AARSD1: variants seen among roughly 807,000 people sequenced by gnomAD.
The protein encoded by AARSD1 is alanyl-tRNA editing protein Aarsd1.
AARSD1 carries 44 observed loss-of-function variants against 48.7 expected under a neutral mutation model. The observed-to-expected ratio is 0.90, with a 90% confidence interval of 0.71 to 1.16. The LOEUF is 1.16. Among genes scored for constraint, AARSD1 ranks in the 50% most tolerant of loss-of-function variants. The probability of loss-of-function intolerance (pLI) is 0.00; values close to 1 mark genes in which losing one functional copy is unlikely to be tolerated. For missense variants in AARSD1, 511 were observed against 523.1 expected (o/e 0.98, Z 0.23); for synonymous variants, 189 against 194.9 (o/e 0.97, Z 0.25).
chr17:42,962,896 C>T (rs904542171), intron 2 of AARSD1, among the ~76,000 whole-genome samples: 12 of 152,020 alleles, frequency 7.9e-5, no homozygotes, highest in African/African-American at 2.4e-4. Flanking sequence ...GTTGGTTGTG[C>T]GCCTGTAGTC....
intron 9 of AARSD1, 190 bp from the exon 10 acceptor site, chr17:42,953,968 A>G: frequency 1.5e-6 from 1 of 649,564 alleles, no homozygotes; most frequent in South Asian, 1.9e-5. Flanking sequence ...GTTTGTAATC[A>G]ACCTCCAGGT....
Position 42,956,331 on chromosome 17 carries a change from G to A in AARSD1, c.547-11C>T, listed in dbSNP as rs1802278676. On this transcript the variant is annotated splice_polypyrimidine_tract_variant and intron_variant, in intron 5 of 11. Transcript: ENST00000427569. ...ACCCCGGCCACTCACCTGGACTCAA[G>A]GAGAGGGGAGGGACTGTCTGAATCT... is the stretch of plus-strand genomic sequence containing the variant. 2 of 1,614,140 alleles carry A rather than the reference G, an allele frequency of 1.2e-6. No homozygotes were observed. The highest frequency in any genetic ancestry group is 2.2e-5 in the East Asian group (1 of 44,882).
At chr17:42,962,265 G>T in intron 2 of AARSD1, 1 of 228,544 alleles carries the variant, frequency 4.4e-6, no homozygotes, top group Non-Finnish European at 9.2e-6. Context: ...ACGCCGCTGC[G>T]CTCCAGCCTG....
At chr17:42,961,856 A>G (rs2049641620) in intron 2 of AARSD1, among the ~76,000 whole-genome samples, 1 of 152,164 alleles carries the variant, frequency 6.6e-6, no homozygotes, top group East Asian at 1.9e-4. Flanking sequence ...ACCTCTATGA[A>G]AAATAAAAAA....
At chr17:42,959,840 T>G (rs905709146) in intron 3 of AARSD1, among the ~76,000 whole-genome samples, 2 of 151,636 alleles carry the variant, frequency 1.3e-5, no homozygotes, top group African/African-American at 4.8e-5. Context: ...ATTTTTGTAT[T>G]TTTAGTAGAG....
intron 4 of AARSD1, 87 bp downstream of exon 4, chr17:42,957,051 C>A: frequency 1.3e-6 from 2 of 1,549,006 alleles, no homozygotes; most frequent in Admixed American, 1.7e-5. Flanking sequence ...GCCTTAATCT[C>A]CCCGGCTCAA....
At chr17:42,955,119 AG>A in intron 8 of AARSD1, 38 bp downstream of exon 8, 1 of 1,614,034 alleles carries the variant, frequency 6.2e-7, no homozygotes, top group South Asian at 1.1e-5. Context: ...TATCCTAGGC[AG>A]GGCCCATGCC....
rs376151909 is a variant in AARSD1 at position 42,952,351 on chromosome 17, C to T, written c.1009-457G>A. Among the ~76,000 whole-genome samples the T allele has an allele frequency of 5.9e-4, 90 of 152,276 alleles. 4 individuals carry two copies. In the South Asian group the frequency reaches 0.018, roughly 30 times the overall value. ...TCCTCCACCTCTAGCATTCATCACT[C>T]TATCATTCTGAATTATAAATGTCGA... is the stretch of plus-strand genomic sequence containing the variant. On this transcript the variant is annotated intron_variant, in intron 10 of 11. Transcript: ENST00000427569.
intron 4 of AARSD1, 136 bp from the exon 5 acceptor site, chr17:42,956,696 C>G (rs2049559461): frequency 1.1e-6 from 1 of 870,066 alleles, no homozygotes; most frequent in Non-Finnish European, 1.5e-6. Context: ...GAGACGGAGT[C>G]TCGCTCTGTC....
intron 9 of AARSD1, among the ~76,000 whole-genome samples, chr17:42,954,663 G>A (rs1305738304): frequency 6.6e-6 from 1 of 152,082 alleles, no homozygotes; most frequent in East Asian, 1.9e-4. Context: ...TCGAACTCCT[G>A]ACCTTGTGAT....
intron 3 of AARSD1, among the ~76,000 whole-genome samples, chr17:42,958,837 G>T (rs2049593185): frequency 6.6e-6 from 1 of 151,202 alleles, no homozygotes; most frequent in East Asian, 2.0e-4. Context: ...AAAGTGCCTG[G>T]GATTACAGGC....
At chr17:42,963,982 TA>T (rs2049675270) in intron 2 of AARSD1, 123 bp downstream of exon 2, 2 of 1,493,304 alleles carry the variant, frequency 1.3e-6, no homozygotes, top group African/African-American at 2.8e-5. Flanking sequence ...ATTAAATGAA[TA>T]ACAAAATGAA....
Position 42,961,201 on chromosome 17 carries a change from G to A in AARSD1, c.322C>T (p.Gln108Ter). Reference sequence around the variant, plus strand: ...CCATCCCAGCCTTTACCTGAATGCTGCTGCATGTGGTCAAACCTCCGCTCC... The same window carrying A: ...CCATCCCAGCCTTTACCTGAATGCTACTGCATGTGGTCAAACCTCCGCTCC... ...DWERRFDHMQ[Q>*]HSGQHLITAV... The change falls in exon 3 of 12, where the codon CAG (glutamine) becomes TAG (stop). Residue 108 changes from glutamine to a stop codon, truncating the protein, a stop_gained. Coordinates refer to ENST00000427569, the MANE Select transcript of AARSD1 (RefSeq NM_001261434.2). LOFTEE classifies it high-confidence loss of function. The A allele has an allele frequency of 6.2e-7, 1 of 1,611,696 alleles. No individual in the cohort carries two copies. Among genetic ancestry groups the A allele is most frequent in the Non-Finnish European group, 8.5e-7 (1 of 1,178,310 alleles).
Position 42,951,897 on chromosome 17 carries a change from A to G in AARSD1, c.1009-3T>C, listed in dbSNP as rs373042773. ...ACAGTTAAGAACAGGAGGGTCTCCT[A>G]GGAGGTAAGACAAGGAGATAAGCTC... On this transcript the variant is annotated splice_polypyrimidine_tract_variant and splice_region_variant and intron_variant, in intron 10 of 11. Coordinates refer to ENST00000427569, the MANE Select transcript of AARSD1 (RefSeq NM_001261434.2). 8 of 1,613,382 alleles carry G rather than the reference A, an allele frequency of 5.0e-6. No individual in the cohort carries two copies. Among genetic ancestry groups the G allele is most frequent in the East Asian group, 4.5e-5 (2 of 44,878 alleles).
chr17:42,950,789 G>A, intron 11 of AARSD1, 61 bp from the exon 12 acceptor site: 1 of 1,560,884 alleles, frequency 6.4e-7, no homozygotes, highest in Non-Finnish European at 8.6e-7. Flanking sequence ...AAAAACAAGG[G>A]CAGCTCTGAG....
rs1363991391 is a variant in AARSD1 at position 42,953,710 on chromosome 17, C to T, written c.1008+14G>A. The T allele has an allele frequency of 1.9e-6, 3 of 1,614,128 alleles. No individual in the cohort carries two copies. Among genetic ancestry groups the T allele is most frequent in the Non-Finnish European group, 2.5e-6 (3 of 1,180,000 alleles). On this transcript the variant is annotated intron_variant, in intron 10 of 11. Transcript: ENST00000427569. ...CTATCCAGGCCGGGGTAGAGAATCT[C>T]ATGCTCCTCTTACCTCTGACCCAAT...
intron 11 of AARSD1, among the ~76,000 whole-genome samples, chr17:42,951,095 T>C (rs2151939078): frequency 6.6e-6 from 1 of 151,990 alleles, no homozygotes; most frequent in East Asian, 1.9e-4. Context: ...GAGGCAGAGG[T>C]TGCAGTGAGC....
In AARSD1 at chr17:42,964,417, G is replaced by T; in HGVS notation, c.24C>A (p.Asp8Glu). ...GACGCCGTACCTCTCGGGCATAACT[G>T]TCACGCTGACACCAGAACGCCATAC... Reference protein sequence around the residue: MAFWCQRDSYAREFTTTV... With the variant: MAFWCQRESYAREFTTTV... Residue 8 changes from aspartate (D) to glutamate (E), a missense_variant, in exon 1 of 12, where the codon GAC becomes GAA. Coordinates refer to ENST00000427569, the MANE Select transcript of AARSD1 (RefSeq NM_001261434.2). 6.4e-7 allele frequency: 1 copy of T among 1,551,116 alleles called. No individual in the cohort carries two copies. The highest frequency in any genetic ancestry group is 8.7e-7 in the Non-Finnish European group (1 of 1,147,138).
Position 42,955,225 on chromosome 17 carries a change from C to T in AARSD1, c.795-1G>A. On this transcript the variant is annotated splice_acceptor_variant, in intron 7 of 11. Coordinates refer to ENST00000427569, the MANE Select transcript of AARSD1 (RefSeq NM_001261434.2). LOFTEE classifies it high-confidence loss of function. ...TTCCACATGATCCTCTGCTCCACAC[C>T]TGAAAGAGAAAGGTCAGAGGAGACC... 1 of 1,613,740 alleles carries T rather than the reference C, an allele frequency of 6.2e-7. No individual in the cohort carries two copies. The highest frequency in any genetic ancestry group is 8.5e-7 in the Non-Finnish European group (1 of 1,179,988).
Sources: gnomAD v4.1 joint callset for allele counts (sites outside exome capture counted in the v4.1 genomes callset) on GRCh38, gnomAD v4.1.1 for gene constraint, MANE v1.5 for transcripts, NCBI Gene and HGNC (gene_info 2026-07-23, HGNC 2026-07-21) for gene names.